The following ZNF536 variants were observed in gnomAD, a reference collection of about 807,000 sequenced individuals.
ZNF536 encodes zinc finger protein 536.
Under a neutral mutation model 84.5 loss-of-function variants are expected in ZNF536, and 13 were observed. The observed-to-expected ratio is 0.15, with a 90% CI of 0.10 to 0.24. ZNF536 has a LOEUF of 0.24. Ranked by LOEUF, ZNF536 falls within the 10% of genes least tolerant of loss-of-function variation. ZNF536 has a pLI of 1.00. For synonymous variants in ZNF536, 811 were observed against 742.5 expected, an observed-to-expected ratio of 1.09 and a Z score of -1.50; for missense variants, 1,536 against 1,747.5, an observed-to-expected ratio of 0.88 and a Z score of 2.16.
chr19:30,357,649 G>C (rs1319777445), intron 3 of ZNF536, among the ~76,000 whole-genome samples: 1 of 152,132 alleles, frequency 6.6e-6, no homozygotes, highest in African/African-American at 2.4e-5. Flanking sequence ...AAGAAAGATG[G>C]ACAGCAGCAC....
chr19:30,389,568 A>T (rs1217938641), intron 1 of ZNF536, among the ~76,000 whole-genome samples: 1 of 152,108 alleles, frequency 6.6e-6, no homozygotes, highest in African/African-American at 2.4e-5. Context: ...TATTATGGTG[A>T]CACTCATCAT....
intron 2 of ZNF536, among the ~76,000 whole-genome samples, chr19:30,503,014 T>G (rs1389149089): frequency 3.3e-5 from 5 of 152,258 alleles, no homozygotes; most frequent in Non-Finnish European, 7.3e-5. Context: ...CCAGAAATTC[T>G]AAGAGTAAAG....
At chr19:30,285,535 G>C (rs1396987310) in intron 2 of ZNF536, among the ~76,000 whole-genome samples, 1 of 152,178 alleles carries the variant, frequency 6.6e-6, no homozygotes, top group African/African-American at 2.4e-5. Flanking sequence ...GAAGCAATTT[G>C]GTTTTTTCCT....
chr19:30,405,780 ATT>A (rs199547095), intron 1 of ZNF536, among the ~76,000 whole-genome samples: 38 of 141,550 alleles, frequency 2.7e-4, no homozygotes, highest in East Asian at 4.1e-4. Context: ...CACTGTTAAC[ATT>A]TTTTTTTTTT....
intron 1 of ZNF536, among the ~76,000 whole-genome samples, chr19:30,646,793 G>A (rs2049488499): frequency 1.3e-5 from 2 of 152,086 alleles, no homozygotes; most frequent in African/African-American, 2.4e-5. Flanking sequence ...GCCCTCCGAC[G>A]TTACACCTGC....
upstream of ZNF536, among the ~76,000 whole-genome samples, chr19:30,368,498 A>G (rs1217520999): frequency 2.0e-5 from 3 of 152,160 alleles, no homozygotes; most frequent in Non-Finnish European, 4.4e-5. Context: ...CAGCATTTCC[A>G]TCAGTGTCTG....
At chr19:30,389,344 T>G (rs539613605) in intron 1 of ZNF536, among the ~76,000 whole-genome samples, 80 of 152,162 alleles carry the variant, frequency 5.3e-4, no homozygotes, top group Non-Finnish European at 9.8e-4. Context: ...AGGGTTATCT[T>G]AGTGCCCTTG....
chr19:30,286,275 G>A (rs530994257), intron 2 of ZNF536, among the ~76,000 whole-genome samples: 1 of 152,210 alleles, frequency 6.6e-6, no homozygotes, highest in African/African-American at 2.4e-5. Flanking sequence ...TCAAATCAAA[G>A]TGGGAAGTTT....
At chr19:30,622,347 G>T (rs1249125349) in intron 1 of ZNF536, among the ~76,000 whole-genome samples, 1 of 152,240 alleles carries the variant, frequency 6.6e-6, no homozygotes, top group Non-Finnish European at 1.5e-5. Context: ...GCAGTGTTTA[G>T]GGGAGTTCAA....
intron 1 of ZNF536, among the ~76,000 whole-genome samples, chr19:30,412,158 C>G (rs2050521062): frequency 6.6e-6 from 1 of 151,962 alleles, no homozygotes; most frequent in Non-Finnish European, 1.5e-5. Flanking sequence ...CTTTTAGGTA[C>G]AGTCATTTTC....
At chr19:30,468,951 A>AG (rs1340236389) in intron 2 of ZNF536, among the ~76,000 whole-genome samples, 5 of 152,118 alleles carry the variant, frequency 3.3e-5, no homozygotes, top group Admixed American at 2.0e-4. Flanking sequence ...CACCCCATAA[A>AG]GGGGGGCCCC....
In ZNF536 at chr19:30,373,304, G is replaced by A. The variant is rs547951658; in HGVS notation, c.-3+748G>A. 3.9e-5 allele frequency among the ~76,000 whole-genome samples: 6 copies of A among 152,082 alleles called. No individual in the cohort carries two copies. In the South Asian group the frequency reaches 6.2e-4, roughly 16 times the overall value. On this transcript the variant is annotated intron_variant, in intron 1 of 4. Transcript: ENST00000355537. ...GGAGGTCTTCTGAGAGTTCTCAGTT[G>A]GCACCTTTCCCCTGACTTGTCCCTG...
intron 1 of ZNF536, among the ~76,000 whole-genome samples, chr19:30,421,456 G>A (rs1304629348): frequency 6.6e-6 from 1 of 152,110 alleles, no homozygotes; most frequent in Non-Finnish European, 1.5e-5. Flanking sequence ...GGCACAATCA[G>A]AGCTCACTGT....
chr19:30,283,536 A>G (rs2045526200), intron 1 of ZNF536, among the ~76,000 whole-genome samples: 2 of 152,174 alleles, frequency 1.3e-5, no homozygotes, highest in Admixed American at 1.3e-4. Context: ...GCCAAACACA[A>G]CATCTCTAAG....
intron 2 of ZNF536, among the ~76,000 whole-genome samples, chr19:30,516,026 CAAAA>C (rs553504551): frequency 2.6e-5 from 2 of 75,626 alleles, no homozygotes; most frequent in African/African-American, 4.7e-5. Context: ...GACTCCATCT[CAAAA>C]AAAAAAAAAA....
intron 3 of ZNF536, among the ~76,000 whole-genome samples, chr19:30,366,748 C>A (rs2048450129): frequency 6.6e-6 from 1 of 152,246 alleles, no homozygotes; most frequent in South Asian, 2.1e-4. Context: ...TAGCCACAGT[C>A]CCTGCCCTCT....
chr19:30,511,392 T>A (rs2055408889), intron 2 of ZNF536, among the ~76,000 whole-genome samples: 1 of 152,196 alleles, frequency 6.6e-6, no homozygotes, highest in Non-Finnish European at 1.5e-5. Flanking sequence ...AGCCTTCAGG[T>A]TCATGAATTC....
intron 1 of ZNF536, among the ~76,000 whole-genome samples, chr19:30,652,086 C>A (rs956769870): frequency 7.9e-5 from 12 of 152,106 alleles, no homozygotes; most frequent in African/African-American, 2.7e-4. Context: ...AATTTATAAC[C>A]ATTCCTATTG....
chr19:30,434,211 C>G (rs1212095213), intron 1 of ZNF536, among the ~76,000 whole-genome samples: 1 of 152,308 alleles, frequency 6.6e-6, no homozygotes, highest in African/African-American at 2.4e-5. Context: ...AATGTATCAG[C>G]CCTTCTATAT....
Sources: gnomAD v4.1 joint callset for allele counts (sites outside exome capture counted in the v4.1 genomes callset) on GRCh38, gnomAD v4.1.1 for gene constraint, MANE v1.5 for transcripts, NCBI Gene and HGNC (gene_info 2026-07-23, HGNC 2026-07-21) for gene names.